The following CADPS2 variants were observed in gnomAD, a reference collection of about 807,000 sequenced individuals.
CADPS2 encodes calcium-dependent secretion activator 2.
Under a neutral mutation model 172.5 loss-of-function variants are expected in CADPS2, and 93 were observed. The observed-to-expected ratio is 0.54, with a 90% CI of 0.46 to 0.64. The LOEUF (loss-of-function observed/expected upper bound fraction) is 0.64. Ranked by LOEUF, CADPS2 falls within the 30% of genes least tolerant of loss-of-function variation. CADPS2 has a pLI of 0.00. For synonymous variants in CADPS2, 546 were observed against 555.2 expected (o/e 0.98, Z 0.23); for missense variants, 1,420 against 1,565.9 (o/e 0.91, Z 1.57).
chr7:122,805,167 A>G (rs75026306), intron 1 of CADPS2, among the ~76,000 whole-genome samples: 1 of 138,162 alleles, frequency 7.2e-6, no homozygotes, highest in Non-Finnish European at 1.6e-5. Flanking sequence ...TATTATTATT[A>G]TTATTGTTAT....
intron 3 of CADPS2, among the ~76,000 whole-genome samples, chr7:122,636,924 C>T (rs1251068229): frequency 6.6e-6 from 1 of 152,084 alleles, no homozygotes; most frequent in African/African-American, 2.4e-5. Flanking sequence ...TTTTCATGGA[C>T]TATATCCTCT....
At position 122,634,180 on chromosome 7, in the gene CADPS2, G is replaced by A. The variant is rs148457667; in HGVS notation, c.787-4852C>T. Among the ~76,000 whole-genome samples the A allele has an allele frequency of 7.2e-3, 1,099 of 152,214 alleles. 15 individuals carry two copies. The highest frequency in any genetic ancestry group is 0.025 in the African/African-American group (1,048 of 41,536). ...CAGATTTTGGTATCAGGATAATGCT[G>A]GCTTTGTAGGATGAGTTAGGGAAGA... On this transcript the variant is annotated intron_variant, in intron 3 of 29. Coordinates refer to ENST00000449022, the MANE Select transcript of CADPS2 (RefSeq NM_017954.11).
intron 8 of CADPS2, among the ~76,000 whole-genome samples, chr7:122,546,016 G>C (rs1222073271): frequency 6.6e-6 from 1 of 152,062 alleles, no homozygotes; most frequent in Non-Finnish European, 1.5e-5. Flanking sequence ...ATGAGAATAA[G>C]ATGTGCTTTT....
chr7:122,830,763 A>G (rs1033870750), intron 1 of CADPS2, among the ~76,000 whole-genome samples: 1 of 152,240 alleles, frequency 6.6e-6, no homozygotes, highest in Admixed American at 6.5e-5. Flanking sequence ...TTCAAGTCCA[A>G]TAACAAAATA....
At chr7:122,663,139 GATTATAGCAAGTAAAGGAC>G in intron 3 of CADPS2, 79 bp downstream of exon 3, 3 of 882,366 alleles carry the variant, frequency 3.4e-6, no homozygotes, top group Non-Finnish European at 3.4e-6. Flanking sequence ...CAAGTAAAGT[GATTATAGCAAGTAAAGGAC>G]ATCTTCATAG....
intron 9 of CADPS2, among the ~76,000 whole-genome samples, chr7:122,493,352 A>G (rs1563500326): frequency 6.6e-6 from 1 of 152,102 alleles, no homozygotes; most frequent in East Asian, 1.9e-4. Flanking sequence ...TTAAAAGGAG[A>G]AAATATATTT....
At chr7:122,738,852 G>GA (rs1415999693) in intron 1 of CADPS2, among the ~76,000 whole-genome samples, 2,105 of 117,146 alleles carry the variant, frequency 0.018, 51 homozygotes, top group African/African-American at 0.057. Context: ...ACCCAGGGGG[G>GA]GAAAAAAAAA....
At chr7:122,480,898 TA>T in intron 11 of CADPS2, 38 bp from the exon 12 acceptor site, 2 of 1,495,502 alleles carry the variant, frequency 1.3e-6, no homozygotes, top group South Asian at 1.3e-5. Context: ...AAAGCATATT[TA>T]AATGGGTTGG....
At chr7:122,338,577 T>C (rs891221452) in intron 28 of CADPS2, among the ~76,000 whole-genome samples, 1 of 152,180 alleles carries the variant, frequency 6.6e-6, no homozygotes, top group Non-Finnish European at 1.5e-5. Flanking sequence ...GACATACTGG[T>C]ACAACAGTTA....
intron 1 of CADPS2, among the ~76,000 whole-genome samples, chr7:122,742,031 C>G (rs2138016499): frequency 6.6e-6 from 1 of 152,230 alleles, no homozygotes; most frequent in East Asian, 1.9e-4. Context: ...ATGATGGATA[C>G]TTGGATGCAA....
At chr7:122,759,095 G>A (rs994156208) in intron 1 of CADPS2, among the ~76,000 whole-genome samples, 1 of 151,992 alleles carries the variant, frequency 6.6e-6, no homozygotes, top group Non-Finnish European at 1.5e-5. Context: ...ATGAAGTTGA[G>A]TAAGACAAAA....
chr7:122,778,628 C>T (rs1350404485), intron 1 of CADPS2, among the ~76,000 whole-genome samples: 1 of 152,228 alleles, frequency 6.6e-6, no homozygotes, highest in African/African-American at 2.4e-5. Flanking sequence ...TGTGTCCCAG[C>T]TGCTCCAGCC....
chr7:122,378,281 A>C (rs984365711), intron 25 of CADPS2, among the ~76,000 whole-genome samples: 6 of 152,158 alleles, frequency 3.9e-5, no homozygotes, highest in Non-Finnish European at 8.8e-5. Flanking sequence ...ACAAAATAGA[A>C]AAAGGTGAAA....
chr7:122,753,934 T>A lies in CADPS2; in HGVS notation c.340-16866A>T, dbSNP rs185497098. Among the ~76,000 whole-genome samples, 477 of 152,278 alleles carry A rather than the reference T, an allele frequency of 3.1e-3. 1 individual carries two copies. Among genetic ancestry groups the A allele is most frequent in the African/African-American group, 0.011 (461 of 41,566 alleles). ...CAACCATTCAAAAGTTTAAAACAGT[T>A]GAATTTTAACATTATTTAAACATTT... On this transcript the variant is annotated intron_variant, in intron 1 of 29. Coordinates refer to ENST00000449022, the MANE Select transcript of CADPS2 (RefSeq NM_017954.11).
intron 20 of CADPS2, among the ~76,000 whole-genome samples, chr7:122,399,354 G>A (rs2045590706): frequency 6.6e-6 from 1 of 152,210 alleles, no homozygotes; most frequent in Admixed American, 6.5e-5. Flanking sequence ...GTATTTGCAA[G>A]GAGCCTAGGA....
chr7:122,633,198 A>T (rs1245500788), intron 3 of CADPS2, among the ~76,000 whole-genome samples: 3 of 152,056 alleles, frequency 2.0e-5, no homozygotes, highest in Admixed American at 1.3e-4. Context: ...TTCCATGTGA[A>T]TTTTAGAATA....
intron 17 of CADPS2, among the ~76,000 whole-genome samples, chr7:122,429,412 CA>C (rs2049595379): frequency 6.6e-6 from 1 of 150,458 alleles, no homozygotes; most frequent in Admixed American, 6.7e-5. Context: ...AAACCTTGAA[CA>C]AATTTATAAT....
intron 6 of CADPS2, among the ~76,000 whole-genome samples, chr7:122,613,075 T>C (rs1399664546): frequency 6.6e-6 from 1 of 152,048 alleles, no homozygotes; most frequent in Non-Finnish European, 1.5e-5. Context: ...AATATAAAAC[T>C]ATGAAAGTCT....
At chr7:122,652,484 CTCT>C (rs2079266564) in intron 3 of CADPS2, among the ~76,000 whole-genome samples, 2 of 152,172 alleles carry the variant, frequency 1.3e-5, no homozygotes, top group East Asian at 3.9e-4. Context: ...AACATTGTTT[CTCT>C]AAAAGAATAT....
Sources: allele counts gnomAD v4.1 joint callset (sites outside exome capture counted in the v4.1 genomes callset), GRCh38; gene constraint gnomAD v4.1.1; transcripts MANE v1.5; gene names NCBI Gene and HGNC (gene_info 2026-07-23, HGNC 2026-07-21).